Variants in VAV2 observed in about 807,000 individuals in gnomAD.
VAV2 encodes the protein guanine nucleotide exchange factor VAV2.
A neutral mutation model predicts 132.5 loss-of-function variants in VAV2; 67 were observed. The observed-to-expected ratio is 0.51, with a 90% CI of 0.42 to 0.62. The LOEUF (loss-of-function observed/expected upper bound fraction) is 0.62, where lower values mean the gene tolerates loss of function less well. VAV2 is among the 20% of genes least tolerant of loss of function. VAV2 has a pLI of 0.00. For synonymous variants in VAV2, 492 were observed against 443.5 expected (o/e 1.11, Z -1.37); for missense variants, 938 against 1,153.6 (o/e 0.81, Z 2.71).
chr9:133,940,917 T>C (rs954754020), intron 1 of VAV2, among the ~76,000 whole-genome samples: 5 of 141,914 alleles, frequency 3.5e-5, no homozygotes, highest in East Asian at 2.1e-4. Context: ...AATGTCCTTA[T>C]AGCTAAAAGA....
rs373447366 is a variant in VAV2 at position 133,769,385 on chromosome 9, C to T, written c.2434+32G>A. On this transcript the variant is annotated intron_variant, in intron 28 of 29. Coordinates refer to ENST00000371850, the MANE Select transcript of VAV2 (RefSeq NM_001134398.2). The surrounding 1 kb of genome is among the most constrained non-coding windows in gnomAD (Gnocchi z 8.1). ...TCTCCCAAGGCAGCTGCCACAGGCC[C>T]GGTCCCCCCACGCCCTGGGGAGCAG... is the stretch of plus-strand genomic sequence containing the variant. The T allele has an allele frequency of 2.5e-5, 39 of 1,588,010 alleles. No homozygotes were observed. The African/African-American group carries it at 3.1e-4, about 13-fold the overall frequency.
intron 2 of VAV2, among the ~76,000 whole-genome samples, chr9:133,938,386 A>C (rs540849330): frequency 6.6e-6 from 1 of 152,284 alleles, no homozygotes; most frequent in East Asian, 1.9e-4. Flanking sequence ...GGGCTCTGGA[A>C]GGCAGGTGGC....
At chr9:133,813,028 T>A (rs895576960) in intron 4 of VAV2, among the ~76,000 whole-genome samples, 3 of 152,208 alleles carry the variant, frequency 2.0e-5, no homozygotes, top group African/African-American at 7.2e-5. Flanking sequence ...GCCCTCCTGA[T>A]GCTCCACACC....
intron 2 of VAV2, 25 bp downstream of exon 2, chr9:133,939,078 G>GA: frequency 1.9e-6 from 3 of 1,608,152 alleles, no homozygotes; most frequent in Non-Finnish European, 2.6e-6. Context: ...CTGAGCGACC[G>GA]AGGCTGGAGA....
intron 1 of VAV2, among the ~76,000 whole-genome samples, chr9:133,974,008 T>C (rs934346250): frequency 6.6e-6 from 1 of 152,072 alleles, no homozygotes; most frequent in African/African-American, 2.4e-5. Flanking sequence ...GGCTGGGGTG[T>C]TGTGAACCTG....
intron 1 of VAV2, among the ~76,000 whole-genome samples, chr9:133,940,713 G>A (rs1036313740): frequency 1.3e-5 from 2 of 150,972 alleles, no homozygotes; most frequent in African/African-American, 4.9e-5. Flanking sequence ...GTGTGTTTCT[G>A]AACACTCGAG....
intron 1 of VAV2, among the ~76,000 whole-genome samples, chr9:133,980,407 G>A (rs924377383): frequency 3.9e-5 from 6 of 152,182 alleles, no homozygotes; most frequent in South Asian, 2.1e-4. Flanking sequence ...AGTGCTGGGC[G>A]GTCCTGAAAC....
chr9:133,933,043 G>T (rs892875316), intron 2 of VAV2, among the ~76,000 whole-genome samples: 7 of 152,254 alleles, frequency 4.6e-5, no homozygotes, highest in Non-Finnish European at 7.3e-5. Context: ...CAGCAAGTGA[G>T]GGCCATGAGC....
intron 21 of VAV2, among the ~76,000 whole-genome samples, chr9:133,779,230 G>A (rs1326800959): frequency 3.3e-5 from 5 of 152,330 alleles, no homozygotes; most frequent in Middle Eastern, 3.4e-3. Context: ...GACGGGCGAC[G>A]GGTCAGCAGG....
chr9:133,887,750 T>TCAGC (rs1838770461), intron 2 of VAV2, among the ~76,000 whole-genome samples: 2 of 152,032 alleles, frequency 1.3e-5, no homozygotes, highest in Admixed American at 1.3e-4. Flanking sequence ...GACACGGCGA[T>TCAGC]CAGCGAGGCC....
intron 9 of VAV2, among the ~76,000 whole-genome samples, chr9:133,799,142 C>T (rs1400126113): frequency 6.6e-6 from 1 of 152,214 alleles, no homozygotes; most frequent in African/African-American, 2.4e-5. Context: ...AGGTTTCCAT[C>T]CAAGTGGCTC....
chr9:133,967,927 T>A (rs567055756), intron 1 of VAV2, among the ~76,000 whole-genome samples: 1 of 68,398 alleles, frequency 1.5e-5, no homozygotes, highest in Admixed American at 2.6e-4. Flanking sequence ...AGGAAGACTC[T>A]ATAACCAAAA....
intron 2 of VAV2, among the ~76,000 whole-genome samples, chr9:133,888,482 C>G (rs893426642): frequency 6.6e-6 from 1 of 152,220 alleles, no homozygotes; most frequent in Non-Finnish European, 1.5e-5. Flanking sequence ...CACGGACAGG[C>G]AGGCCCAGAC....
chr9:133,982,280 G>A (rs995186566), intron 1 of VAV2, among the ~76,000 whole-genome samples: 3 of 152,232 alleles, frequency 2.0e-5, no homozygotes, highest in Non-Finnish European at 2.9e-5. Flanking sequence ...CGGCCGGCAG[G>A]AGGGTGCCTC....
At chr9:133,974,499 A>G (rs1175788798) in intron 1 of VAV2, among the ~76,000 whole-genome samples, 1 of 152,048 alleles carries the variant, frequency 6.6e-6, no homozygotes, top group Non-Finnish European at 1.5e-5. Context: ...CCAAACACAC[A>G]CCTGCACCCT....
At chr9:133,966,539 C>G (rs1842146334) in intron 1 of VAV2, among the ~76,000 whole-genome samples, 1 of 152,150 alleles carries the variant, frequency 6.6e-6, no homozygotes, top group African/African-American at 2.4e-5. Flanking sequence ...GACCCCGTCT[C>G]TACAAAACAT....
rs894023804 is a variant in VAV2 at position 133,874,346 on chromosome 9, G to C, written c.322-12914C>G. Among the ~76,000 whole-genome samples, 5 of 152,290 alleles carry C rather than the reference G, an allele frequency of 3.3e-5. No homozygotes were observed. In the South Asian group the frequency reaches 1.0e-3, roughly 32 times the overall value. ...CCTGGGCATCACTCAGCGCTGCTGT[G>C]GCTGCAGGAGCCAGGCACAGATGGC... On this transcript the variant is annotated intron_variant, in intron 2 of 29. Coordinates refer to ENST00000371850, the MANE Select transcript of VAV2 (RefSeq NM_001134398.2).
chr9:133,786,800 T>C (rs1285123248), intron 16 of VAV2, among the ~76,000 whole-genome samples: 2 of 151,640 alleles, frequency 1.3e-5, no homozygotes, highest in Non-Finnish European at 2.9e-5. Context: ...GTTTGGCAAA[T>C]AGGAGCCTAC....
intron 1 of VAV2, among the ~76,000 whole-genome samples, chr9:133,967,034 CA>C (rs71380266): frequency 0.037 from 3,899 of 106,084 alleles, 112 homozygotes; most frequent in African/African-American, 0.12. Context: ...GACTTTGTCT[CA>C]AAAAAAAAAA....
Sources: gnomAD v4.1 joint callset for allele counts (sites outside exome capture counted in the v4.1 genomes callset) on GRCh38, gnomAD v4.1.1 for gene constraint, Gnocchi (gnomAD v3.1) non-coding constraint, MANE v1.5 for transcripts, NCBI Gene and HGNC (gene_info 2026-07-23, HGNC 2026-07-21) for gene names.